CFAP161: variants seen among roughly 807,000 people sequenced by gnomAD.
CFAP161 encodes cilia and flagella associated protein 161, also known as cilia- and flagella-associated protein 161.
A neutral mutation model predicts 29.0 loss-of-function variants in CFAP161; 25 were observed. The ratio of observed to expected loss-of-function variants is 0.86; its 90% CI spans 0.63 to 1.20. The LOEUF (loss-of-function observed/expected upper bound fraction) is 1.20. CFAP161 is among the 50% of genes most tolerant of loss of function. CFAP161 has a pLI of 0.00. For missense variants in CFAP161, 367 were observed against 371.9 expected, an observed-to-expected ratio of 0.99 and a Z score of 0.11; for synonymous variants, 116 against 137.4, an observed-to-expected ratio of 0.84 and a Z score of 1.09.
chr15:81,114,204 A>G (rs1001165080), intron 1 of CFAP161, among the ~76,000 whole-genome samples: 3 of 152,224 alleles, frequency 2.0e-5, no homozygotes, highest in Admixed American at 2.0e-4. Context: ...TGAAGCATAT[A>G]TTGCATTAAA....
upstream of CFAP161, among the ~76,000 whole-genome samples, chr15:81,130,792 A>G (rs946737434): frequency 6.6e-6 from 1 of 152,226 alleles, no homozygotes; most frequent in African/African-American, 2.4e-5. Context: ...AGGGTTATTA[A>G]TTGTCCTAAT....
chr15:81,101,283 T>G (rs1894300355), intron 1 of CFAP161, among the ~76,000 whole-genome samples: 1 of 150,692 alleles, frequency 6.6e-6, no homozygotes, highest in South Asian at 2.1e-4. Flanking sequence ...TCCCAGCACT[T>G]TGGGAGGCTG....
intron 4 of CFAP161, among the ~76,000 whole-genome samples, chr15:81,141,201 AT>A (rs1382693795): frequency 2.0e-5 from 3 of 152,132 alleles, no homozygotes; most frequent in African/African-American, 7.2e-5. Context: ...TGTCAGCAAA[AT>A]TTTCTATCAC....
At position 81,121,514 on chromosome 15, in the gene CFAP161, ACAC is replaced by A. The variant is rs1452137815; in HGVS notation, c.-141-6075_-141-6073del. Among the ~76,000 whole-genome samples the A allele has an allele frequency of 5.9e-5, 9 of 151,632 alleles. No individual in the cohort carries two copies. The East Asian group carries it at 1.7e-3, about 29-fold the overall frequency. On this transcript the variant is annotated intron_variant, in intron 1 of 4. Transcript: ENST00000560091. ...TTTCTTATAATTTTTTTCATCAAAA[ACAC>A]ATCTGACTTTTTTGGTATATTTTAA...
chr15:81,148,402 AAACCAAGG>A lies in CFAP161; in HGVS notation c.781_788del (p.Arg261LeufsTer36). ...ATACCTGGATTCACATAGAGTTGAGAAACCAAGGAACCACTGGATGTTGGTTACTGGGA... is the reference window on the plus strand; with the variant it reads ...ATACCTGGATTCACATAGAGTTGAGAAACCACTGGATGTTGGTTACTGGGA... On this transcript the variant is annotated frameshift_variant, in exon 7 of 7. Coordinates refer to ENST00000286732, the MANE Select transcript of CFAP161 (RefSeq NM_173528.4). LOFTEE classifies it low-confidence loss of function (END_TRUNC). 1 of 1,614,240 alleles carries A rather than the reference AAACCAAGG, an allele frequency of 6.2e-7. No individual in the cohort carries two copies. The highest frequency in any genetic ancestry group is 8.5e-7 in the Non-Finnish European group (1 of 1,180,040).
chr15:81,115,894 C>T (rs1203159407), intron 1 of CFAP161, among the ~76,000 whole-genome samples: 2 of 149,386 alleles, frequency 1.3e-5, no homozygotes, highest in East Asian at 2.0e-4. Flanking sequence ...CACTATGTTG[C>T]CCAGGCTGAT....
chr15:81,135,152 A>G (rs2039761091), intron 1 of CFAP161, 118 bp from the exon 2 acceptor site: 3 of 575,996 alleles, frequency 5.2e-6, no homozygotes, highest in Non-Finnish European at 9.3e-6. Context: ...AATTATGCTC[A>G]CATCTCTTTT....
At chr15:81,123,884 AT>A (rs1270453925) in intron 1 of CFAP161, among the ~76,000 whole-genome samples, 2 of 152,148 alleles carry the variant, frequency 1.3e-5, no homozygotes, top group Non-Finnish European at 2.9e-5. Flanking sequence ...TTGCACATTG[AT>A]TTTGTGTCCT....
intron 4 of CFAP161, among the ~76,000 whole-genome samples, chr15:81,141,777 C>T (rs191566523): frequency 4.6e-5 from 7 of 150,710 alleles, no homozygotes; most frequent in South Asian, 4.2e-4. Context: ...CTCTGCCTCC[C>T]GGGTTCAAGC....
At position 81,103,640 on chromosome 15, in the gene CFAP161, C is replaced by T. The variant is rs191585443; in HGVS notation, c.-141-23950C>T. ...GCCATATGCATTTCTTCACCTGTAT[C>T]CCTTGCAGTACTCAGTATAATAAGC... On this transcript the variant is annotated intron_variant, in intron 1 of 4. Transcript: ENST00000560091. Among the ~76,000 whole-genome samples, 380 of 152,328 alleles carry T rather than the reference C, an allele frequency of 2.5e-3. 4 individuals carry two copies. The highest frequency in any genetic ancestry group is 0.022 in the Admixed American group (336 of 15,300).
chr15:81,133,227 AT>A (rs111496841), upstream of CFAP161, among the ~76,000 whole-genome samples: 2 of 50,402 alleles, frequency 4.0e-5, no homozygotes, highest in Non-Finnish European at 8.3e-5. Flanking sequence ...ATATATATGT[AT>A]TTTTTTTTAA....
At chr15:81,137,122 T>A (rs1020591754) in intron 3 of CFAP161, among the ~76,000 whole-genome samples, 19 of 151,982 alleles carry the variant, frequency 1.3e-4, no homozygotes, top group Admixed American at 3.3e-4. Flanking sequence ...TAAAAACGTG[T>A]AGTTTAATAC....
At chr15:81,134,021 G>A (rs1894761421), upstream of CFAP161, among the ~76,000 whole-genome samples, 1 of 152,158 alleles carries the variant, frequency 6.6e-6, no homozygotes, top group African/African-American at 2.4e-5. Flanking sequence ...GCACTTTTCG[G>A]TTAGATTCTA....
At chr15:81,147,998 A>C in intron 6 of CFAP161, 67 bp downstream of exon 6, 2 of 1,287,586 alleles carry the variant, frequency 1.6e-6, no homozygotes, top group Non-Finnish European at 1.1e-6. Context: ...TAAGCAAAGA[A>C]GCTCAATTGA....
At chr15:81,129,187 A>G (rs1450990731) in intron 2 of CFAP161, among the ~76,000 whole-genome samples, 3 of 152,112 alleles carry the variant, frequency 2.0e-5, no homozygotes, top group Admixed American at 6.6e-5. Flanking sequence ...TGGGCTTAAA[A>G]TAGTCAGTGA....
At chr15:81,111,132 T>G (rs1336120787) in intron 1 of CFAP161, among the ~76,000 whole-genome samples, 1 of 152,240 alleles carries the variant, frequency 6.6e-6, no homozygotes, top group East Asian at 1.9e-4. Flanking sequence ...CTGAATTCCT[T>G]TCAGAGAAAT....
intron 1 of CFAP161, chr15:81,118,125 G>C: frequency 3.8e-6 from 2 of 525,780 alleles, no homozygotes; most frequent in Admixed American, 5.6e-5. Context: ...TTAAATGTGT[G>C]AGATTTGGAA....
chr15:81,127,283 C>T (rs1284044425), intron 1 of CFAP161, among the ~76,000 whole-genome samples: 1 of 152,120 alleles, frequency 6.6e-6, no homozygotes, highest in African/African-American at 2.4e-5. Flanking sequence ...TTTTTACTCT[C>T]AGAAGATTTT....
In CFAP161 at chr15:81,142,378, C is replaced by G. The variant is rs566256376; in HGVS notation, c.478-1284C>G. 5.3e-5 allele frequency among the ~76,000 whole-genome samples: 8 copies of G among 152,188 alleles called. No individual in the cohort carries two copies. The East Asian group carries it at 1.4e-3, about 26-fold the overall frequency. ...TCACCCCCATCCTCACTGGAGTCAG[C>G]AGTGGCTCCCCATTGCCCTTTGAAT... is the stretch of plus-strand genomic sequence containing the variant. On this transcript the variant is annotated intron_variant, in intron 4 of 6. Transcript: ENST00000286732.
Sources: allele counts gnomAD v4.1 joint callset (sites outside exome capture counted in the v4.1 genomes callset), GRCh38; gene constraint gnomAD v4.1.1; transcripts MANE v1.5; gene names NCBI Gene and HGNC (gene_info 2026-07-23, HGNC 2026-07-21).